Variants in AGBL1 observed in about 807,000 individuals in gnomAD.
AGBL1 encodes cytosolic carboxypeptidase 4.
A neutral mutation model predicts 118.9 loss-of-function variants in AGBL1; 130 were observed. That is an observed-to-expected ratio of 1.09 (90% confidence interval 0.95 to 1.26). The LOEUF is 1.26. Ranked by LOEUF, AGBL1 falls within the 50% of genes most tolerant of loss-of-function variation. The pLI is 0.00. For synonymous variants in AGBL1, 555 were observed against 478.9 expected (o/e 1.16, Z -2.08); for missense variants, 1,584 against 1,298.1 (o/e 1.22, Z -3.38).
At chr15:86,618,549 T>G (rs55634725) in intron 21 of AGBL1, among the ~76,000 whole-genome samples, 1 of 152,318 alleles carries the variant, frequency 6.6e-6, no homozygotes, top group African/African-American at 2.4e-5. Flanking sequence ...CTAGGGAATC[T>G]GCATTTAATT....
intron 24 of AGBL1, chr15:86,988,130 G>T: frequency 6.3e-7 from 1 of 1,598,754 alleles, no homozygotes; most frequent in Non-Finnish European, 8.5e-7. Flanking sequence ...CTTGGGGCGG[G>T]GATTGCTGGA....
chr15:86,684,482 C>A (rs570942544), intron 22 of AGBL1, among the ~76,000 whole-genome samples: 1 of 127,472 alleles, frequency 7.8e-6, no homozygotes. Context: ...TTTCTTTTTT[C>A]TCTTCTATTT....
chr15:86,264,861 A>G, intron 11 of AGBL1, 23 bp downstream of exon 11: 1 of 1,542,204 alleles, frequency 6.5e-7, no homozygotes, highest in South Asian at 1.3e-5. Flanking sequence ...CTGACTTGGG[A>G]GCTCTTTTTT....
At chr15:86,196,871 GCGCGCGCGCACACACACACACA>G (rs2077815955) in intron 5 of AGBL1, among the ~76,000 whole-genome samples, 12 of 99,600 alleles carry the variant, frequency 1.2e-4, no homozygotes, top group African/African-American at 3.4e-4. Context: ...GCACATGTGC[GCGCGCGCGCACACACACACACA>G]CACACACACA....
intron 22 of AGBL1, among the ~76,000 whole-genome samples, chr15:86,895,430 T>C (rs1005319354): frequency 6.6e-6 from 1 of 151,608 alleles, no homozygotes; most frequent in African/African-American, 2.4e-5. Flanking sequence ...TGCATTTGCG[T>C]GTATTTCTTG....
At chr15:86,605,375 ATT>A (rs1032266574) in intron 21 of AGBL1, among the ~76,000 whole-genome samples, 1 of 151,488 alleles carries the variant, frequency 6.6e-6, no homozygotes, top group African/African-American at 2.4e-5. Flanking sequence ...TTGCTTTTTG[ATT>A]TCTGATGTCT....
At chr15:86,120,631 T>A (rs1898039811) in intron 1 of AGBL1, among the ~76,000 whole-genome samples, 1 of 152,210 alleles carries the variant, frequency 6.6e-6, no homozygotes, top group South Asian at 2.1e-4. Context: ...ATTGTGCCAC[T>A]GGCACAAATT....
intron 22 of AGBL1, among the ~76,000 whole-genome samples, chr15:86,712,992 A>G (rs984962721): frequency 1.1e-4 from 16 of 152,164 alleles, no homozygotes; most frequent in Non-Finnish European, 2.2e-4. Flanking sequence ...GATGTGCACT[A>G]CAACCCATCC....
intron 5 of AGBL1, among the ~76,000 whole-genome samples, chr15:86,193,850 G>A (rs1018352401): frequency 6.6e-6 from 1 of 152,116 alleles, no homozygotes; most frequent in Non-Finnish European, 1.5e-5. Context: ...TAAACACAAG[G>A]CTGTTTGCAT....
intron 22 of AGBL1, among the ~76,000 whole-genome samples, chr15:86,722,299 C>A (rs1389195639): frequency 6.6e-6 from 1 of 152,060 alleles, no homozygotes; most frequent in African/African-American, 2.4e-5. Context: ...GTACTGGTAC[C>A]AAAACAGAGA....
intron 17 of AGBL1, among the ~76,000 whole-genome samples, chr15:86,382,060 T>A (rs1261503712): frequency 6.6e-6 from 1 of 152,094 alleles, no homozygotes; most frequent in Non-Finnish European, 1.5e-5. Context: ...GTAGATGTCT[T>A]GTGGGACTCC....
At chr15:86,405,777 C>T (rs1463765859) in intron 18 of AGBL1, among the ~76,000 whole-genome samples, 2 of 151,290 alleles carry the variant, frequency 1.3e-5, no homozygotes, top group Admixed American at 6.6e-5. Context: ...GGAATTAGTA[C>T]AAATCTAATA....
At chr15:86,721,328 TG>T (rs1212546514) in intron 22 of AGBL1, among the ~76,000 whole-genome samples, 1 of 152,210 alleles carries the variant, frequency 6.6e-6, no homozygotes, top group Non-Finnish European at 1.5e-5. Context: ...ATCCCTGGGA[TG>T]CAAGACTGGT....
intron 21 of AGBL1, among the ~76,000 whole-genome samples, chr15:86,604,884 C>A (rs1360462248): frequency 4.0e-5 from 6 of 151,094 alleles, no homozygotes; most frequent in African/African-American, 1.5e-4. Flanking sequence ...CAACCTCCGC[C>A]TCCTGGGTTC....
intron 17 of AGBL1, among the ~76,000 whole-genome samples, chr15:86,330,449 A>G (rs1395204056): frequency 6.6e-6 from 1 of 151,606 alleles, no homozygotes; most frequent in African/African-American, 2.4e-5. Flanking sequence ...AAAGGGAAAG[A>G]AAAAAACTAT....
At chr15:86,760,094 C>T (rs1223521449) in intron 22 of AGBL1, among the ~76,000 whole-genome samples, 1 of 152,050 alleles carries the variant, frequency 6.6e-6, no homozygotes, top group Non-Finnish European at 1.5e-5. Context: ...CACTGATGAT[C>T]AACTACCTCT....
intron 13 of AGBL1, among the ~76,000 whole-genome samples, chr15:86,268,200 G>C (rs747334233): frequency 6.6e-6 from 1 of 152,060 alleles, no homozygotes; most frequent in South Asian, 2.1e-4. Context: ...TTCCTCTTTG[G>C]GGGAGGTGAA....
chr15:86,373,945 C>T (rs1302660560), intron 17 of AGBL1, among the ~76,000 whole-genome samples: 1 of 152,148 alleles, frequency 6.6e-6, no homozygotes, highest in South Asian at 2.1e-4. Flanking sequence ...CTATTACTAA[C>T]TGATAATTCA....
intron 19 of AGBL1, among the ~76,000 whole-genome samples, chr15:86,523,875 C>T (rs1434302106): frequency 6.6e-6 from 1 of 152,130 alleles, no homozygotes; most frequent in Non-Finnish European, 1.5e-5. Flanking sequence ...TGAAAATGCT[C>T]ATTTATTAAC....
Sources: allele counts gnomAD v4.1 joint callset (sites outside exome capture counted in the v4.1 genomes callset), GRCh38; gene constraint gnomAD v4.1.1; transcripts MANE v1.5; gene names NCBI Gene and HGNC (gene_info 2026-07-23, HGNC 2026-07-21).